The following CADPS2 variants were observed in gnomAD, a reference collection of about 807,000 sequenced individuals.
CADPS2 encodes the protein calcium-dependent secretion activator 2.
A neutral mutation model predicts 172.5 loss-of-function variants in CADPS2; 93 were observed. That is an observed-to-expected ratio of 0.54 (90% CI 0.46 to 0.64). CADPS2 has a LOEUF of 0.64. Ranked by LOEUF, CADPS2 falls within the 30% of genes least tolerant of loss-of-function variation. The probability of loss-of-function intolerance (pLI) is 0.00; values close to 1 mark genes in which losing one functional copy is unlikely to be tolerated. For missense variants in CADPS2, 1,420 were observed against 1,565.9 expected (o/e 0.91, Z 1.57); for synonymous variants, 546 against 555.2 (o/e 0.98, Z 0.23).
intron 1 of CADPS2, among the ~76,000 whole-genome samples, chr7:122,744,567 T>C (rs1177945523): frequency 6.6e-6 from 1 of 152,190 alleles, no homozygotes; most frequent in Non-Finnish European, 1.5e-5. Context: ...GCTGGCTGGA[T>C]ATAGATTGAA....
intron 3 of CADPS2, among the ~76,000 whole-genome samples, chr7:122,644,084 G>A (rs563563180): frequency 6.6e-6 from 1 of 151,216 alleles, no homozygotes; most frequent in South Asian, 2.1e-4. Context: ...GAAAAGAAAG[G>A]AAGGAAGGAA....
At chr7:122,648,480 G>A (rs944915568) in intron 3 of CADPS2, among the ~76,000 whole-genome samples, 12 of 151,778 alleles carry the variant, frequency 7.9e-5, no homozygotes, top group African/African-American at 9.7e-5. Flanking sequence ...TGCCCACCCC[G>A]CCAAAATAAT....
At chr7:122,677,456 G>C (rs2082501011) in intron 2 of CADPS2, among the ~76,000 whole-genome samples, 1 of 152,142 alleles carries the variant, frequency 6.6e-6, no homozygotes, top group Non-Finnish European at 1.5e-5. Context: ...AGGACGGGTG[G>C]GCTTTGTCAG....
At chr7:122,755,352 C>A (rs1014866833) in intron 1 of CADPS2, among the ~76,000 whole-genome samples, 2 of 152,124 alleles carry the variant, frequency 1.3e-5, no homozygotes, top group Non-Finnish European at 2.9e-5. Context: ...CATATAACTA[C>A]CAGACTGAAC....
chr7:122,333,592 C>T (rs1447782333), intron 28 of CADPS2, among the ~76,000 whole-genome samples: 1 of 152,208 alleles, frequency 6.6e-6, no homozygotes, highest in East Asian at 1.9e-4. Context: ...AGATTCATGT[C>T]AGCCTTTAAG....
chr7:122,358,438 TAA>T (rs2039705529), intron 27 of CADPS2, among the ~76,000 whole-genome samples: 1 of 152,174 alleles, frequency 6.6e-6, no homozygotes, highest in Non-Finnish European at 1.5e-5. Context: ...TAACAATGAA[TAA>T]GAGTATACTT....
intron 18 of CADPS2, among the ~76,000 whole-genome samples, chr7:122,414,628 A>G (rs1471480499): frequency 6.6e-6 from 1 of 152,230 alleles, no homozygotes; most frequent in Non-Finnish European, 1.5e-5. Context: ...ATCCATAACA[A>G]GTTCACACAT....
intron 9 of CADPS2, among the ~76,000 whole-genome samples, chr7:122,504,619 T>G (rs1296230661): frequency 6.6e-6 from 1 of 152,090 alleles, no homozygotes; most frequent in African/African-American, 2.4e-5. Context: ...TAGGCTGGAG[T>G]GCAGTGGTGC....
chr7:122,580,225 C>T (rs958536671), intron 7 of CADPS2, among the ~76,000 whole-genome samples: 7 of 151,892 alleles, frequency 4.6e-5, no homozygotes, highest in South Asian at 2.1e-4. Context: ...GAGGCTGAAG[C>T]GAGTGGATCA....
At chr7:122,753,768 C>T (rs367987900) in intron 1 of CADPS2, among the ~76,000 whole-genome samples, 1 of 152,134 alleles carries the variant, frequency 6.6e-6, no homozygotes, top group Non-Finnish European at 1.5e-5. Flanking sequence ...TACATATAAA[C>T]ACACGAACGC....
chr7:122,476,999 AG>A (rs1435591079), intron 12 of CADPS2, among the ~76,000 whole-genome samples: 72 of 35,394 alleles, frequency 2.0e-3, no homozygotes, highest in African/African-American at 6.2e-3. Flanking sequence ...AGGGGAGGGG[AG>A]AGGAGAGGAG....
At chr7:122,388,225 T>C (rs2043924597) in intron 23 of CADPS2, among the ~76,000 whole-genome samples, 1 of 151,996 alleles carries the variant, frequency 6.6e-6, no homozygotes, top group South Asian at 2.1e-4. Flanking sequence ...ACAGACACAG[T>C]ACATAATGCA....
rs190006592 is a variant in CADPS2 at position 122,724,171 on chromosome 7, G to A, written c.453+12784C>T. Among the ~76,000 whole-genome samples the A allele has an allele frequency of 7.3e-3, 1,114 of 151,732 alleles. 4 individuals carry two copies. Among genetic ancestry groups the A allele is most frequent in the Non-Finnish European group, 0.01 (697 of 67,896 alleles). The stretch of plus-strand genomic sequence containing the variant: ...TTGCACATATACCCTATAACTTAAA[G>A]TATAATAATAATTGAAAAATTAAAA... On this transcript the variant is annotated intron_variant, in intron 2 of 29. Transcript: ENST00000449022.
At chr7:122,400,072 T>C (rs1285014912) in intron 20 of CADPS2, among the ~76,000 whole-genome samples, 9 of 152,038 alleles carry the variant, frequency 5.9e-5, no homozygotes, top group Non-Finnish European at 1.0e-4. Context: ...GGTGATTATC[T>C]TTAAGCCACT....
At chr7:122,589,228 C>G (rs368108992) in intron 6 of CADPS2, among the ~76,000 whole-genome samples, 52 of 151,944 alleles carry the variant, frequency 3.4e-4, no homozygotes, top group African/African-American at 9.9e-4. Context: ...CCCACCTTTA[C>G]TAATAAACAG....
At position 122,566,066 on chromosome 7, in the gene CADPS2, T is replaced by C. The variant is rs993185593; in HGVS notation, c.1336-11377A>G. 2.6e-5 allele frequency among the ~76,000 whole-genome samples: 4 copies of C among 152,172 alleles called. 1 individual carries two copies. The South Asian group carries it at 8.3e-4, about 31-fold the overall frequency. ...TCTTTCTGTGCTTGGCATATTTCAT[T>C]TAGCACAATGTCTCCCAGCTTGATT... On this transcript the variant is annotated intron_variant, in intron 7 of 29. Coordinates refer to ENST00000449022, the MANE Select transcript of CADPS2 (RefSeq NM_017954.11).
intron 25 of CADPS2, among the ~76,000 whole-genome samples, chr7:122,376,124 G>A (rs2042313939): frequency 6.6e-6 from 1 of 152,092 alleles, no homozygotes; most frequent in Non-Finnish European, 1.5e-5. Flanking sequence ...CCCACTGTTG[G>A]TGGATATGTA....
At chr7:122,757,855 T>A (rs938276839) in intron 1 of CADPS2, among the ~76,000 whole-genome samples, 84 of 152,212 alleles carry the variant, frequency 5.5e-4, no homozygotes, top group African/African-American at 1.9e-3. Flanking sequence ...CAAGTCTTAT[T>A]TAGGCCAGAC....
rs184717586 is a variant in CADPS2 at position 122,787,593 on chromosome 7, G to A, written c.340-50525C>T. ...ATGATTTGCTTCCATATCCATCTCC[G>A]CCAATAGACAGCTGGTTCCTGGAAG... On this transcript the variant is annotated intron_variant, in intron 1 of 29. Coordinates refer to ENST00000449022, the MANE Select transcript of CADPS2 (RefSeq NM_017954.11). 1.5e-3 allele frequency among the ~76,000 whole-genome samples: 230 copies of A among 152,180 alleles called. 1 individual carries two copies. In the South Asian group the frequency reaches 0.022, roughly 14 times the overall value.
Sources: gnomAD v4.1 joint callset for allele counts (sites outside exome capture counted in the v4.1 genomes callset) on GRCh38, gnomAD v4.1.1 for gene constraint, MANE v1.5 for transcripts, NCBI Gene and HGNC (gene_info 2026-07-23, HGNC 2026-07-21) for gene names.